CCDC39: variants seen among roughly 807,000 people sequenced by gnomAD.
CCDC39 encodes the protein coiled-coil domain 39 molecular ruler complex subunit.
CCDC39 carries 113 observed loss-of-function variants against 121.0 expected under a neutral mutation model. The observed-to-expected ratio is 0.93, with a 90% CI of 0.80 to 1.09. The LOEUF is 1.09. Among genes scored for constraint, CCDC39 ranks in the 50% least tolerant of loss-of-function variants. The pLI, the probability that CCDC39 is intolerant of heterozygous loss-of-function variation, is 0.00. For synonymous variants in CCDC39, 349 were observed against 352.2 expected, an observed-to-expected ratio of 0.99 and a Z score of 0.10; for missense variants, 1,063 against 1,074.7, an observed-to-expected ratio of 0.99 and a Z score of 0.15.
chr3:180,616,869 TCTTTA>T lies in CCDC39; in HGVS notation c.2358_2362del (p.Ser786ArgfsTer32), dbSNP rs771057685. 3.1e-6 allele frequency: 5 copies of T among 1,606,114 alleles called. No individual in the cohort carries two copies. The Admixed American group carries it at 8.4e-5, about 27-fold the overall frequency. Reference sequence around the variant, plus strand: ...TAATTTTGGCTTCTGCTCCTCCGTTTCTTTACTTAGTTGAAATGAATAAGCCTGCT... The same window carrying T: ...TAATTTTGGCTTCTGCTCCTCCGTTTCTTAGTTGAAATGAATAAGCCTGCT... On this transcript the variant is annotated frameshift_variant, in exon 17 of 20. Transcript: ENST00000476379. LOFTEE classifies it high-confidence loss of function.
chr3:180,648,463 T>A, intron 9 of CCDC39, 104 bp from the exon 10 acceptor site: 2 of 769,186 alleles, frequency 2.6e-6, no homozygotes, highest in Non-Finnish European at 3.9e-6. Flanking sequence ...AACCCTCCAC[T>A]ATTTTAGCCC....
intron 14 of CCDC39, among the ~76,000 whole-genome samples, chr3:180,625,354 T>C (rs1482735789): frequency 2.0e-5 from 3 of 151,814 alleles, no homozygotes; most frequent in Non-Finnish European, 4.4e-5. Context: ...TTTTCTTTTT[T>C]TTTTTTTTTA....
At chr3:180,635,983 C>T in intron 13 of CCDC39, among the ~76,000 whole-genome samples, 1 of 152,176 alleles carries the variant, frequency 6.6e-6, no homozygotes, top group East Asian at 1.9e-4. Context: ...CTATGACAAA[C>T]CCACAGCCAA....
chr3:180,626,033 A>G (rs979633813), intron 14 of CCDC39, among the ~76,000 whole-genome samples: 2 of 152,012 alleles, frequency 1.3e-5, no homozygotes, highest in African/African-American at 2.4e-5. Flanking sequence ...GCCCCTGGGC[A>G]GCTGGTGTGA....
chr3:180,675,966 T>C (rs1324946076), intron 1 of CCDC39, among the ~76,000 whole-genome samples: 6 of 152,224 alleles, frequency 3.9e-5, no homozygotes, highest in Admixed American at 3.9e-4. Context: ...ACTGGATTCC[T>C]TCCTTACACC....
chr3:180,676,948 C>A (rs544371814), intron 1 of CCDC39, among the ~76,000 whole-genome samples: 2 of 150,420 alleles, frequency 1.3e-5, no homozygotes, highest in East Asian at 2.0e-4. Flanking sequence ...TTGAACAATG[C>A]GAACACTTGG....
chr3:180,652,182 T>C lies in CCDC39; in HGVS notation c.1015A>G (p.Ile339Val). 7.9e-6 allele frequency: 12 copies of C among 1,521,492 alleles called. No homozygotes were observed. Among genetic ancestry groups the C allele is most frequent in the Non-Finnish European group, 1.1e-5 (12 of 1,131,242 alleles). 94.2% of individuals were successfully genotyped at this position (1,521,492 alleles called of 1,614,324 possible). The change falls in exon 8 of 20, where the codon ATT becomes GTT. Residue 339 changes from isoleucine (I) to valine (V), a missense_variant. Transcript: ENST00000476379. ...TCTTACCTTGCTGTTTCTTCATGAA[T>C]GTCCTTCTTTATCTTGGAAATATTT... The part of the protein sequence containing the change: ...RKNISKIKKD[I>V]HEETARLQKT...
Position 180,649,711 on chromosome 3 carries a change from T to G in CCDC39, c.1168-1352A>C, listed in dbSNP as rs901128395. 1.3e-4 allele frequency among the ~76,000 whole-genome samples: 19 copies of G among 148,302 alleles called. 1 individual carries two copies. The highest frequency in any genetic ancestry group is 2.1e-4 in the Non-Finnish European group (14 of 65,936). On this transcript the variant is annotated intron_variant, in intron 9 of 19. Transcript: ENST00000476379. ...CCCAAGACTATGAACACAGCCCTGC[T>G]AAAAAAACAATCGGTACACCCTGCT...
At chr3:180,631,623 A>G in intron 13 of CCDC39, 31 bp from the exon 14 acceptor site, 1 of 1,572,040 alleles carries the variant, frequency 6.4e-7, no homozygotes, top group Non-Finnish European at 8.6e-7. Context: ...TGAGAAATGA[A>G]TAACATACTT....
chr3:180,673,760 C>G (rs1054594984), intron 1 of CCDC39, among the ~76,000 whole-genome samples: 22 of 152,060 alleles, frequency 1.4e-4, no homozygotes, highest in Admixed American at 1.3e-3. Flanking sequence ...AGTTGTAAAA[C>G]AGGCCTGTGG....
chr3:180,677,361 T>C (rs566827585), intron 1 of CCDC39, among the ~76,000 whole-genome samples: 1 of 150,310 alleles, frequency 6.7e-6, no homozygotes, highest in Non-Finnish European at 1.5e-5. Context: ...AAATCAAGTA[T>C]AAAACTAACA....
At chr3:180,673,892 G>T (rs566056045) in intron 1 of CCDC39, among the ~76,000 whole-genome samples, 73 of 151,796 alleles carry the variant, frequency 4.8e-4, no homozygotes, top group Non-Finnish European at 2.1e-4. Context: ...ACTTAAAGCA[G>T]GCAATGCAAG....
chr3:180,650,046 C>A (rs1306154374), intron 9 of CCDC39, among the ~76,000 whole-genome samples: 1 of 152,110 alleles, frequency 6.6e-6, no homozygotes, highest in East Asian at 1.9e-4. Flanking sequence ...GAGATATAAG[C>A]CTTATATTGG....
intron 1 of CCDC39, among the ~76,000 whole-genome samples, chr3:180,672,777 T>A (rs529689442): frequency 1.3e-5 from 2 of 152,230 alleles, no homozygotes; most frequent in Non-Finnish European, 2.9e-5. Flanking sequence ...AGGCTATATC[T>A]GCCATAGATA....
At chr3:180,623,502 TG>T (rs1717482467) in intron 14 of CCDC39, among the ~76,000 whole-genome samples, 1 of 152,092 alleles carries the variant, frequency 6.6e-6, no homozygotes, top group African/African-American at 2.4e-5. Context: ...GGTTTGGTTT[TG>T]TTTTTTTTCT....
intron 1 of CCDC39, among the ~76,000 whole-genome samples, chr3:180,669,737 G>A (rs978368399): frequency 6.6e-6 from 1 of 151,986 alleles, no homozygotes. Context: ...ATGTCAGAGG[G>A]GTCCTGTAAT....
At chr3:180,622,550 G>C (rs1329076546) in intron 14 of CCDC39, among the ~76,000 whole-genome samples, 1 of 152,078 alleles carries the variant, frequency 6.6e-6, no homozygotes, top group Non-Finnish European at 1.5e-5. Flanking sequence ...CTGTGGGTTT[G>C]TCATAGATGG....
At chr3:180,615,303 A>G (rs894237199) in intron 19 of CCDC39, among the ~76,000 whole-genome samples, 9 of 152,172 alleles carry the variant, frequency 5.9e-5, no homozygotes, top group Non-Finnish European at 1.2e-4. Flanking sequence ...GTAGTTTAAT[A>G]AGTATGTTCC....
intron 14 of CCDC39, among the ~76,000 whole-genome samples, chr3:180,627,516 G>C (rs922538696): frequency 2.0e-5 from 3 of 151,936 alleles, no homozygotes; most frequent in African/African-American, 4.8e-5. Flanking sequence ...GATTCCATTC[G>C]CTTCTAAATC....
Sources: gnomAD v4.1 joint callset for allele counts (sites outside exome capture counted in the v4.1 genomes callset) on GRCh38, gnomAD v4.1.1 for gene constraint, MANE v1.5 for transcripts, NCBI Gene and HGNC (gene_info 2026-07-23, HGNC 2026-07-21) for gene names.